The following FLI1 variants were observed in gnomAD, a reference collection of about 807,000 sequenced individuals.
FLI1 encodes the protein Fli-1 proto-oncogene, ETS transcription factor.
In FLI1, 13 loss-of-function variants were observed where a neutral mutation model predicts 53.1. The observed-to-expected ratio is 0.24, with a 90% confidence interval of 0.16 to 0.39. FLI1 has a LOEUF of 0.39. Among genes scored for constraint, FLI1 ranks in the 10% least tolerant of loss-of-function variants. The pLI is 1.00. For synonymous variants in FLI1, 244 were observed against 236.7 expected, an observed-to-expected ratio of 1.03 and a Z score of -0.28; for missense variants, 424 against 600.5, an observed-to-expected ratio of 0.71 and a Z score of 3.07.
rs1459464785 is a variant in FLI1 at position 128,810,902 on chromosome 11, T to A, written c.1273T>A (p.Ser425Thr). The A allele has an allele frequency of 2.4e-5, 39 of 1,613,678 alleles. No homozygotes were observed. Among genetic ancestry groups the A allele is most frequent in the Non-Finnish European group, 3.1e-5 (37 of 1,179,830 alleles). The change falls in exon 9 of 9, where the codon TCC becomes ACC. Residue 425 changes from serine to threonine, a missense_variant. Coordinates refer to ENST00000527786, the MANE Select transcript of FLI1 (RefSeq NM_002017.5). This position sits in a 1 kb window ranked among gnomAD's most constrained non-coding sequence, Gnocchi z 6.6. ...FFGAASQYWT[S>T]PTGGIYPNPN... Reference sequence around the variant, plus strand: ...TGGAGCCGCATCACAATACTGGACCTCCCCCACGGGGGGAATCTACCCCAA... The same window carrying A: ...TGGAGCCGCATCACAATACTGGACCACCCCCACGGGGGGAATCTACCCCAA...
chr11:128,741,562 G>A (rs899677640), intron 1 of FLI1, among the ~76,000 whole-genome samples: 5 of 152,194 alleles, frequency 3.3e-5, no homozygotes, highest in African/African-American at 1.2e-4. Flanking sequence ...CCTGCAGTGA[G>A]AGCCACAACA....
At chr11:128,693,883 G>A (rs867247972), upstream of FLI1, 1,209 of 120,288 alleles carry the variant, frequency 0.01, 34 homozygotes, top group African/African-American at 0.12. Context: ...AGGGGGTGTG[G>A]GGGGGGAGGG....
At chr11:128,780,865 T>C (rs1245890073) in intron 4 of FLI1, among the ~76,000 whole-genome samples, 2 of 152,210 alleles carry the variant, frequency 1.3e-5, no homozygotes, top group Non-Finnish European at 2.9e-5. Context: ...GTTGAGCTTA[T>C]GGTATGTTTT....
intron 4 of FLI1, 139 bp downstream of exon 4, chr11:128,773,124 C>A: frequency 1.3e-6 from 1 of 761,244 alleles, no homozygotes; most frequent in Non-Finnish European, 2.2e-6. Context: ...TTGCCAAGGT[C>A]ACGTGGGCTC....
At chr11:128,727,549 G>A (rs10893914) in intron 1 of FLI1, among the ~76,000 whole-genome samples, 1 of 152,082 alleles carries the variant, frequency 6.6e-6, no homozygotes, top group African/African-American at 2.4e-5. Context: ...TTGCGGAAAG[G>A]GCTGATGTAT....
At chr11:128,791,426 G>A (rs756003987) in intron 5 of FLI1, among the ~76,000 whole-genome samples, 1 of 152,026 alleles carries the variant, frequency 6.6e-6, no homozygotes, top group Non-Finnish European at 1.5e-5. Flanking sequence ...ACCTCATTAC[G>A]GTCTTGTGCA....
At chr11:128,797,103 G>A (rs1460071092) in intron 5 of FLI1, among the ~76,000 whole-genome samples, 3 of 152,240 alleles carry the variant, frequency 2.0e-5, no homozygotes, top group Non-Finnish European at 4.4e-5. Flanking sequence ...TAGGTCAAAA[G>A]GCAAATCATG....
intron 1 of FLI1, among the ~76,000 whole-genome samples, chr11:128,749,638 T>C (rs1224917628): frequency 6.6e-6 from 1 of 152,236 alleles, no homozygotes; most frequent in Non-Finnish European, 1.5e-5. Context: ...TGCCTTTTGA[T>C]GGGAAGAGAG....
chr11:128,790,555 C>CT (rs1434145485), intron 5 of FLI1, among the ~76,000 whole-genome samples: 1 of 152,160 alleles, frequency 6.6e-6, no homozygotes, highest in African/African-American at 2.4e-5. Flanking sequence ...ACTGTTATTT[C>CT]TTTTCGTGGG....
At chr11:128,789,479 G>A (rs59720570) in intron 5 of FLI1, among the ~76,000 whole-genome samples, 4,466 of 152,264 alleles carry the variant, frequency 0.029, 73 homozygotes, top group Middle Eastern at 0.068. Flanking sequence ...GGGTGATGGG[G>A]CCTCAGGGTT....
chr11:128,686,370 A>T, upstream of FLI1: 1 of 456,242 alleles, frequency 2.2e-6, no homozygotes, highest in Non-Finnish European at 4.4e-6. Flanking sequence ...GGGAGAGTAA[A>T]AGGACTGTAG....
chr11:128,809,019 A>G (rs1010767367), intron 7 of FLI1, 138 bp from the exon 8 acceptor site: 1 of 603,628 alleles, frequency 1.7e-6, no homozygotes, highest in African/African-American at 1.8e-5. Context: ...CTGCAAATAA[A>G]AGCAGTAAAG....
intron 1 of FLI1, among the ~76,000 whole-genome samples, chr11:128,747,380 G>A (rs1021551126): frequency 2.0e-5 from 3 of 152,190 alleles, no homozygotes; most frequent in Non-Finnish European, 4.4e-5. Flanking sequence ...CACTTGTGCT[G>A]GTGCATCCAG....
intron 5 of FLI1, among the ~76,000 whole-genome samples, chr11:128,794,020 G>A (rs185355980): frequency 2.6e-5 from 4 of 152,196 alleles, no homozygotes; most frequent in Non-Finnish European, 4.4e-5. Flanking sequence ...TGGGTGGGCC[G>A]TTTGGGTTTT....
intron 1 of FLI1, among the ~76,000 whole-genome samples, chr11:128,740,581 T>G (rs935578009): frequency 2.0e-5 from 3 of 152,248 alleles, no homozygotes; most frequent in Non-Finnish European, 4.4e-5. Context: ...TATTTTCACA[T>G]TAGCTTAAAT....
upstream of FLI1, among the ~76,000 whole-genome samples, chr11:128,685,445 G>A (rs561736466): frequency 6.6e-6 from 1 of 152,192 alleles, no homozygotes; most frequent in African/African-American, 2.4e-5. Flanking sequence ...CTCGCTGCTT[G>A]TTCTGGTTGC....
chr11:128,792,828 A>G (rs1009160777), intron 5 of FLI1, among the ~76,000 whole-genome samples: 2 of 152,212 alleles, frequency 1.3e-5, no homozygotes, highest in Admixed American at 6.5e-5. Context: ...ACTGAATTTA[A>G]GAAACCATCC....
upstream of FLI1, chr11:128,692,675 A>G (rs563844154): frequency 1.3e-5 from 2 of 152,194 alleles, no homozygotes; most frequent in Admixed American, 6.5e-5. Context: ...CTCTGTGGAC[A>G]CCCTTTTGAA....
chr11:128,712,698 G>C (rs995243464), intron 1 of FLI1, among the ~76,000 whole-genome samples: 2 of 152,106 alleles, frequency 1.3e-5, no homozygotes, highest in African/African-American at 4.8e-5. Context: ...AACAGCACAG[G>C]AAAGACCCAC....
Sources: allele counts gnomAD v4.1 joint callset (sites outside exome capture counted in the v4.1 genomes callset), GRCh38; gene constraint gnomAD v4.1.1; non-coding constraint Gnocchi (gnomAD v3.1); transcripts MANE v1.5; gene names NCBI Gene and HGNC (gene_info 2026-07-23, HGNC 2026-07-21).